Variants in MYT1L observed in about 807,000 individuals in gnomAD.
The protein encoded by MYT1L is myelin transcription factor 1 like.
In MYT1L, 12 loss-of-function variants were observed where a neutral mutation model predicts 126.7. The observed-to-expected ratio is 0.09, with a 90% CI of 0.06 to 0.15. MYT1L has a LOEUF of 0.15. Among genes scored for constraint, MYT1L ranks in the 10% least tolerant of loss-of-function variants. The pLI is 1.00. For synonymous variants in MYT1L, 541 were observed against 604.2 expected (o/e 0.90, Z 1.53); for missense variants, 979 against 1,585.2 (o/e 0.62, Z 6.49).
intron 14 of MYT1L, among the ~76,000 whole-genome samples, chr2:1,897,770 T>C (rs1367522790): frequency 6.6e-6 from 1 of 152,146 alleles, no homozygotes; most frequent in Non-Finnish European, 1.5e-5. Flanking sequence ...CCCAGAGCTA[T>C]TTTTTGATCA....
chr2:2,160,131 C>T (rs962747195), intron 3 of MYT1L, among the ~76,000 whole-genome samples: 1 of 152,154 alleles, frequency 6.6e-6, no homozygotes, highest in Non-Finnish European at 1.5e-5. Flanking sequence ...TCACATAGCA[C>T]ATGACGATCT....
At chr2:2,166,339 TTTTG>T (rs1432935087) in intron 3 of MYT1L, among the ~76,000 whole-genome samples, 2 of 152,338 alleles carry the variant, frequency 1.3e-5, no homozygotes, top group South Asian at 2.1e-4. Context: ...ATCACTGCCA[TTTTG>T]TTTATCTACT....
chr2:2,024,731 A>T (rs2065356059), intron 4 of MYT1L, among the ~76,000 whole-genome samples: 2 of 152,096 alleles, frequency 1.3e-5, no homozygotes, highest in Admixed American at 1.3e-4. Flanking sequence ...TCATCCTAAG[A>T]TCCTTCCATA....
intron 4 of MYT1L, among the ~76,000 whole-genome samples, chr2:2,017,245 C>T (rs1328790595): frequency 6.6e-6 from 1 of 152,234 alleles, no homozygotes; most frequent in African/African-American, 2.4e-5. Context: ...CATCAACTAA[C>T]CTCCTTCCTT....
chr2:1,893,739 T>A (rs542034569), intron 14 of MYT1L, among the ~76,000 whole-genome samples: 36 of 152,324 alleles, frequency 2.4e-4, no homozygotes, highest in African/African-American at 8.7e-4. Context: ...AGCAAAAAGC[T>A]TTCTCACATT....
intron 2 of MYT1L, among the ~76,000 whole-genome samples, chr2:2,261,184 G>A (rs527970455): frequency 3.3e-5 from 5 of 151,586 alleles, no homozygotes; most frequent in African/African-American, 7.2e-5. Flanking sequence ...TTTCCAACAT[G>A]TGTCTACAAT....
chr2:2,064,290 C>A (rs959191838), intron 3 of MYT1L, among the ~76,000 whole-genome samples: 1 of 152,206 alleles, frequency 6.6e-6, no homozygotes, highest in Admixed American at 6.5e-5. Context: ...TAGCTTCAGA[C>A]CCCCTGAGTA....
At chr2:1,898,072 C>A (rs1376001912) in intron 14 of MYT1L, among the ~76,000 whole-genome samples, 1 of 152,150 alleles carries the variant, frequency 6.6e-6, no homozygotes, top group Non-Finnish European at 1.5e-5. Context: ...CAGGTAGGAC[C>A]TTTTCATTCA....
intron 4 of MYT1L, among the ~76,000 whole-genome samples, chr2:2,050,087 T>C (rs966924458): frequency 9.2e-5 from 14 of 152,118 alleles, no homozygotes; most frequent in Non-Finnish European, 2.1e-4. Context: ...AATAAATGAT[T>C]AGCAGCTATT....
rs529125301 is a variant in MYT1L at position 1,912,237 on chromosome 2, G to A, written c.1619-127C>T. The A allele has an allele frequency of 3.6e-6, 2 of 554,380 alleles. No individual in the cohort carries two copies. The highest frequency in any genetic ancestry group is 6.2e-6 in the Non-Finnish European group (2 of 323,164). 34.3% of individuals were successfully genotyped at this position (554,380 alleles called of 1,614,324 possible). ...AGACAGTCCTACAAACGTTTGTGAT[G>A]GGCATGGCCAGGAAAACACACATGG... On this transcript the variant is annotated intron_variant, in intron 11 of 24. Transcript: ENST00000647738. This position sits in a 1 kb window ranked among gnomAD's most constrained non-coding sequence, Gnocchi z 4.3.
chr2:2,086,565 A>G (rs2076369206), intron 3 of MYT1L, among the ~76,000 whole-genome samples: 1 of 152,152 alleles, frequency 6.6e-6, no homozygotes, highest in African/African-American at 2.4e-5. Flanking sequence ...CATTTCACAC[A>G]TAGAATCACT....
chr2:2,126,496 C>G (rs17039346), intron 3 of MYT1L, among the ~76,000 whole-genome samples: 2,120 of 152,274 alleles, frequency 0.014, 48 homozygotes, highest in African/African-American at 0.047. Flanking sequence ...TTGTGCTTAT[C>G]AAGATAACCT....
chr2:2,081,874 G>A (rs1186710598), intron 3 of MYT1L, among the ~76,000 whole-genome samples: 8 of 152,052 alleles, frequency 5.3e-5, no homozygotes, highest in Non-Finnish European at 5.9e-5. Flanking sequence ...TGAGTAGATG[G>A]GATTACAGGT....
chr2:2,217,719 AG>A (rs1220007615), intron 2 of MYT1L, among the ~76,000 whole-genome samples: 25 of 144,316 alleles, frequency 1.7e-4, no homozygotes, highest in Non-Finnish European at 2.6e-4. Context: ...AAAAAAAAAA[AG>A]AAAGAAGGAA....
At chr2:2,159,539 G>A (rs527375958) in intron 3 of MYT1L, among the ~76,000 whole-genome samples, 19 of 152,116 alleles carry the variant, frequency 1.2e-4, no homozygotes, top group African/African-American at 2.6e-4. Flanking sequence ...TGCTGAGCGC[G>A]GGCTGTGTTC....
intron 3 of MYT1L, among the ~76,000 whole-genome samples, chr2:2,060,988 A>G (rs550445841): frequency 1.3e-5 from 2 of 152,202 alleles, no homozygotes; most frequent in African/African-American, 4.8e-5. Flanking sequence ...CTTAATATAT[A>G]AAAAGCTAAT....
intron 8 of MYT1L, among the ~76,000 whole-genome samples, chr2:1,968,753 C>T (rs1423341463): frequency 1.3e-5 from 2 of 152,160 alleles, no homozygotes; most frequent in Non-Finnish European, 2.9e-5. Flanking sequence ...TGGTTGGCTC[C>T]TCACTGGGCT....
intron 8 of MYT1L, among the ~76,000 whole-genome samples, chr2:1,976,119 CAAA>C (rs10622987): frequency 8.6e-5 from 9 of 104,238 alleles, no homozygotes; most frequent in Admixed American, 1.0e-4. Context: ...GTTAAAAGAC[CAAA>C]AAAAAAAAAA....
At chr2:1,976,564 C>A (rs1245007586) in intron 8 of MYT1L, among the ~76,000 whole-genome samples, 1 of 152,120 alleles carries the variant, frequency 6.6e-6, no homozygotes, top group Non-Finnish European at 1.5e-5. Context: ...ATACCTTGAA[C>A]CCAGGAGACA....
Sources: gnomAD v4.1 joint callset for allele counts (sites outside exome capture counted in the v4.1 genomes callset) on GRCh38, gnomAD v4.1.1 for gene constraint, Gnocchi (gnomAD v3.1) non-coding constraint, MANE v1.5 for transcripts, NCBI Gene and HGNC (gene_info 2026-07-23, HGNC 2026-07-21) for gene names.